The following RBFOX1 variants were observed in gnomAD, a reference collection of about 807,000 sequenced individuals.
RBFOX1 encodes RNA binding fox-1 homolog 1.
RBFOX1 carries 8 observed loss-of-function variants against 57.7 expected under a neutral mutation model. The ratio of observed to expected loss-of-function variants is 0.14; its 90% CI spans 0.08 to 0.25. The LOEUF is 0.25. RBFOX1 is among the 10% of genes least tolerant of loss of function. RBFOX1 has a pLI of 1.00. For synonymous variants in RBFOX1, 326 were observed against 222.4 expected (o/e 1.47, Z -4.15); for missense variants, 611 against 548.5 (o/e 1.11, Z -1.14).
At chr16:7,083,430 T>G (rs933624133) in intron 4 of RBFOX1, among the ~76,000 whole-genome samples, 9 of 151,914 alleles carry the variant, frequency 5.9e-5, no homozygotes, top group Non-Finnish European at 8.8e-5. Flanking sequence ...GGGGACTCAT[T>G]TAGGCTCACA....
At chr16:6,870,204 A>C (rs971047321) in intron 3 of RBFOX1, among the ~76,000 whole-genome samples, 1 of 152,094 alleles carries the variant, frequency 6.6e-6, no homozygotes, top group Non-Finnish European at 1.5e-5. Flanking sequence ...TTCATCTAGA[A>C]TTTTGCAGGC....
intron 3 of RBFOX1, among the ~76,000 whole-genome samples, chr16:6,717,701 C>T (rs1021574037): frequency 3.9e-5 from 6 of 151,940 alleles, no homozygotes; most frequent in Non-Finnish European, 7.4e-5. Flanking sequence ...GTTGAAAGTG[C>T]CAGTCACATT....
chr16:7,407,160 C>T (rs1225539081), intron 4 of RBFOX1, among the ~76,000 whole-genome samples: 1 of 152,118 alleles, frequency 6.6e-6, no homozygotes, highest in African/African-American at 2.4e-5. Context: ...GTGTGCCCAT[C>T]ACCAGAGCAG....
At chr16:5,416,515 C>T (rs2067163207) in intron 1 of RBFOX1, among the ~76,000 whole-genome samples, 1 of 152,000 alleles carries the variant, frequency 6.6e-6, no homozygotes, top group African/African-American at 2.4e-5. Context: ...ACTGGAAATA[C>T]CTCCTTCATT....
Position 5,927,444 on chromosome 16 carries a change from AGGTAAGTGTT to A in RBFOX1, c.351+60116_351+60125del, listed in dbSNP as rs2058961002. 2.6e-5 allele frequency among the ~76,000 whole-genome samples: 4 copies of A among 152,342 alleles called. No individual in the cohort carries two copies. The East Asian group carries it at 7.7e-4, about 29-fold the overall frequency. On this transcript the variant is annotated intron_variant, in intron 4 of 19. Coordinates refer to the RBFOX1 transcript ENST00000641259. Reference sequence around the variant, plus strand: ...CCTTAGGTATTATCAAAAAGTCAAAAGGTAAGTGTTGGTAAGGGTGTGGAGAAAAGAGAAC... The same window carrying A: ...CCTTAGGTATTATCAAAAAGTCAAAAGGTAAGGGTGTGGAGAAAAGAGAAC...
chr16:7,504,736 TATA>T (rs1567553712), intron 4 of RBFOX1, among the ~76,000 whole-genome samples: 17 of 10,096 alleles, frequency 1.7e-3, no homozygotes, highest in Non-Finnish European at 3.1e-3. Flanking sequence ...TATATATATA[TATA>T]TATATATATA....
chr16:5,811,653 G>A (rs908718416), intron 3 of RBFOX1, among the ~76,000 whole-genome samples: 36 of 151,812 alleles, frequency 2.4e-4, no homozygotes, highest in Admixed American at 2.2e-3. Context: ...GTTTCACGAT[G>A]TTGGCCTGGG....
intron 2 of RBFOX1, among the ~76,000 whole-genome samples, chr16:5,478,587 A>G (rs1233898163): frequency 1.3e-5 from 2 of 152,172 alleles, no homozygotes; most frequent in Non-Finnish European, 2.9e-5. Flanking sequence ...GCGCTAACAA[A>G]TTCTAATATG....
At chr16:6,278,354 C>T (rs1401672876) in intron 1 of RBFOX1, among the ~76,000 whole-genome samples, 2 of 90,274 alleles carry the variant, frequency 2.2e-5, no homozygotes, top group Admixed American at 1.8e-4. Flanking sequence ...TCGTCTCCAA[C>T]TGGGGGAAAT....
intron 13 of RBFOX1, among the ~76,000 whole-genome samples, chr16:7,674,973 T>C (rs1175654203): frequency 3.3e-5 from 5 of 152,226 alleles, no homozygotes; most frequent in East Asian, 1.9e-4. Flanking sequence ...ACATGGCATC[T>C]GATTGCTGCA....
chr16:6,962,166 C>G (rs1417667592), intron 3 of RBFOX1, among the ~76,000 whole-genome samples: 1 of 152,120 alleles, frequency 6.6e-6, no homozygotes, highest in African/African-American at 2.4e-5. Context: ...TTTCTACTTC[C>G]AAATGCTCCT....
At chr16:6,496,824 A>G (rs1408559724) in intron 2 of RBFOX1, among the ~76,000 whole-genome samples, 1 of 151,990 alleles carries the variant, frequency 6.6e-6, no homozygotes, top group Non-Finnish European at 1.5e-5. Context: ...GCCTGGTGTG[A>G]TGGCGGGTGC....
chr16:6,052,165 C>T (rs892716467), intron 1 of RBFOX1, among the ~76,000 whole-genome samples: 5 of 152,246 alleles, frequency 3.3e-5, no homozygotes, highest in Admixed American at 6.5e-5. Flanking sequence ...AACGCTGCTC[C>T]GGTTCTTGGT....
chr16:5,515,175 C>G (rs920309884), intron 2 of RBFOX1, among the ~76,000 whole-genome samples: 2 of 152,240 alleles, frequency 1.3e-5, no homozygotes, highest in Admixed American at 1.3e-4. Context: ...CCGGGGATTA[C>G]ATTTCAACAT....
chr16:6,041,668 T>C (rs2095437839), intron 1 of RBFOX1, among the ~76,000 whole-genome samples: 1 of 152,098 alleles, frequency 6.6e-6, no homozygotes, highest in South Asian at 2.1e-4. Flanking sequence ...TATCACGCTG[T>C]TCCCTTTTAG....
chr16:6,869,591 G>C lies in RBFOX1; in HGVS notation c.-15-182466G>C, dbSNP rs1034198186. On this transcript the variant is annotated intron_variant, in intron 3 of 15. Transcript: ENST00000550418. ...TTTCTGTGCAGAGTAGGATGAAATA[G>C]AGAAAGAAAGAACAGGAAAAATATA... Among the ~76,000 whole-genome samples, 5 of 150,216 alleles carry C rather than the reference G, an allele frequency of 3.3e-5. No homozygotes were observed. The East Asian group carries it at 5.8e-4, about 17-fold the overall frequency.
chr16:6,420,448 G>A (rs986721049), intron 2 of RBFOX1, among the ~76,000 whole-genome samples: 1 of 152,060 alleles, frequency 6.6e-6, no homozygotes, highest in African/African-American at 2.4e-5. Flanking sequence ...TAAAGAATTG[G>A]TGTTTCTGAA....
chr16:5,828,212 C>T (rs910895706), intron 3 of RBFOX1, among the ~76,000 whole-genome samples: 7 of 152,122 alleles, frequency 4.6e-5, no homozygotes, highest in Non-Finnish European at 1.0e-4. Context: ...TCCATCCACC[C>T]ATTCATCTGT....
intron 2 of RBFOX1, among the ~76,000 whole-genome samples, chr16:6,465,306 A>T (rs1380276352): frequency 2.0e-5 from 3 of 152,172 alleles, no homozygotes; most frequent in African/African-American, 7.2e-5. Flanking sequence ...AGGGAGAAGG[A>T]GGGCACTCTC....
Sources: allele counts gnomAD v4.1 joint callset (sites outside exome capture counted in the v4.1 genomes callset), GRCh38; gene constraint gnomAD v4.1.1; transcripts MANE v1.5; gene names NCBI Gene and HGNC (gene_info 2026-07-23, HGNC 2026-07-21).